FBXL7: variants seen among roughly 807,000 people sequenced by gnomAD.
The protein encoded by FBXL7 is F-box/LRR-repeat protein 7.
A neutral mutation model predicts 38.3 loss-of-function variants in FBXL7; 12 were observed. That is an observed-to-expected ratio of 0.31 (90% confidence interval 0.20 to 0.51). FBXL7 has a LOEUF of 0.51. Ranked by LOEUF, FBXL7 falls within the 20% of genes least tolerant of loss-of-function variation. The pLI is 0.98. For missense variants in FBXL7, 567 were observed against 676.4 expected (o/e 0.84, Z 1.79); for synonymous variants, 297 against 300.9 (o/e 0.99, Z 0.13).
At chr5:15,567,881 A>T (rs906028892) in intron 1 of FBXL7, among the ~76,000 whole-genome samples, 19 of 152,034 alleles carry the variant, frequency 1.2e-4, no homozygotes, top group African/African-American at 4.6e-4. Context: ...TTTGCTGGGA[A>T]TGATGGTTTC....
At chr5:15,501,300 C>A in intron 1 of FBXL7, 1 of 462,050 alleles carries the variant, frequency 2.2e-6, no homozygotes. Context: ...TTACGTGGGG[C>A]TGGAAATTGC....
At chr5:15,906,256 AT>A (rs998671601) in intron 2 of FBXL7, among the ~76,000 whole-genome samples, 7 of 151,930 alleles carry the variant, frequency 4.6e-5, no homozygotes, top group Non-Finnish European at 1.5e-5. Context: ...ATTTAAATTT[AT>A]TTTTTCAAAC....
chr5:15,721,527 C>T (rs996612852), intron 2 of FBXL7, among the ~76,000 whole-genome samples: 4 of 151,766 alleles, frequency 2.6e-5, no homozygotes, highest in Non-Finnish European at 5.9e-5. Flanking sequence ...TTTCTTTCTC[C>T]CTCCCTCCCT....
chr5:15,753,104 AG>A (rs1736197160), intron 2 of FBXL7, among the ~76,000 whole-genome samples: 3 of 152,054 alleles, frequency 2.0e-5, no homozygotes, highest in Admixed American at 6.5e-5. Context: ...TCTTGCAGGG[AG>A]GGCTGGAACC....
At chr5:15,676,000 A>G (rs1742642541) in intron 2 of FBXL7, among the ~76,000 whole-genome samples, 1 of 152,228 alleles carries the variant, frequency 6.6e-6, no homozygotes, top group African/African-American at 2.4e-5. Context: ...TAACTGCTGT[A>G]TGTGCTCTCC....
Position 15,937,229 on chromosome 5 carries a change from C to A in FBXL7, c.*43C>A, listed in dbSNP as rs749202047. 2.9e-5 allele frequency: 43 copies of A among 1,494,246 alleles called. 1 individual carries two copies. Among genetic ancestry groups the A allele is most frequent in the Non-Finnish European group, 3.4e-5 (38 of 1,124,488 alleles). 92.6% of individuals were successfully genotyped at this position (1,494,246 alleles called of 1,614,324 possible). ...GGCGTTGTATTCACACAAACCTGAA[C>A]AAAGCAAATTTTTTTAAAAGCAGCG... On this transcript the variant is annotated 3_prime_UTR_variant, in exon 4 of 4. Transcript: ENST00000504595.
At chr5:15,688,246 T>C (rs1743078007) in intron 2 of FBXL7, among the ~76,000 whole-genome samples, 1 of 152,096 alleles carries the variant, frequency 6.6e-6, no homozygotes, top group South Asian at 2.1e-4. Context: ...AAAACAGGAG[T>C]GTTGGGTTCC....
rs112782230 is a variant in FBXL7 at position 15,887,683 on chromosome 5, G to A, written c.128-40207G>A. ...CGTAGAGTATTGGAATATTAACTCC[G>A]CTACTCATGGGGGTTGTCACTCCAC... On this transcript the variant is annotated intron_variant, in intron 2 of 3. Coordinates refer to ENST00000504595, the MANE Select transcript of FBXL7 (RefSeq NM_012304.5). 7.6e-3 allele frequency among the ~76,000 whole-genome samples: 1,150 copies of A among 152,234 alleles called. 10 individuals carry two copies. Among genetic ancestry groups the A allele is most frequent in the Non-Finnish European group, 9.7e-3 (658 of 68,024 alleles).
chr5:15,915,093 A>G (rs1161354102), intron 2 of FBXL7, among the ~76,000 whole-genome samples: 2 of 152,214 alleles, frequency 1.3e-5, no homozygotes, highest in East Asian at 3.9e-4. Flanking sequence ...CTGGGAGAAC[A>G]TGAGCATGTG....
rs1742280919 is a variant in FBXL7, at chr5:15,939,245, A to G, written c.*2059A>G. ...GGATCTAGTGAAAGCCACAGAGTTT[A>G]AAACCATGAAAGAAGTTGAAGGCAG... is the stretch of plus-strand genomic sequence containing the variant. On this transcript the variant is annotated 3_prime_UTR_variant, in exon 4 of 4. Transcript: ENST00000504595. The G allele has an allele frequency of 2.5e-6, 1 of 392,476 alleles. No individual in the cohort carries two copies. The highest frequency in any genetic ancestry group is 4.5e-6 in the Non-Finnish European group (1 of 222,564). The allele number at this position is 392,476 out of a possible 1,614,324, so 24.3% of individuals were successfully genotyped here. A position where few individuals can be genotyped will look rare whatever the true frequency, so the allele number is the denominator to read the frequency against.
chr5:15,845,333 T>A (rs1404188174), intron 2 of FBXL7, among the ~76,000 whole-genome samples: 1 of 152,220 alleles, frequency 6.6e-6, no homozygotes, highest in Non-Finnish European at 1.5e-5. Context: ...ATTCAATAAG[T>A]TCCCATTGAT....
intron 2 of FBXL7, among the ~76,000 whole-genome samples, chr5:15,748,515 C>A (rs1388499091): frequency 6.6e-6 from 1 of 152,114 alleles, no homozygotes; most frequent in South Asian, 2.1e-4. Context: ...ATGGGAGTTC[C>A]CCTACATAAG....
At chr5:15,605,286 C>G (rs116062235) in intron 1 of FBXL7, among the ~76,000 whole-genome samples, 3,231 of 152,214 alleles carry the variant, frequency 0.021, 41 homozygotes, top group Non-Finnish European at 0.032. Context: ...TCCAGCACTC[C>G]GTCATTGCAG....
intron 2 of FBXL7, among the ~76,000 whole-genome samples, chr5:15,712,902 A>C (rs561137901): frequency 9.2e-5 from 14 of 152,250 alleles, no homozygotes; most frequent in Non-Finnish European, 2.1e-4. Flanking sequence ...ACTCAGACCA[A>C]AAAGCTACAG....
chr5:15,618,840 C>A (rs1254857596), intron 2 of FBXL7, among the ~76,000 whole-genome samples: 1 of 152,116 alleles, frequency 6.6e-6, no homozygotes, highest in Non-Finnish European at 1.5e-5. Flanking sequence ...CTTGCCTCCT[C>A]AGAAGAAATA....
intron 2 of FBXL7, among the ~76,000 whole-genome samples, chr5:15,627,084 A>G (rs1419577979): frequency 6.6e-6 from 1 of 152,184 alleles, no homozygotes. Flanking sequence ...CCCTGCTATG[A>G]CTGAATCCCC....
At chr5:15,751,085 C>T (rs772496327) in intron 2 of FBXL7, among the ~76,000 whole-genome samples, 1 of 152,036 alleles carries the variant, frequency 6.6e-6, no homozygotes, top group East Asian at 1.9e-4. Flanking sequence ...TTTCTGTTTC[C>T]GTGTTGTGGT....
intron 2 of FBXL7, among the ~76,000 whole-genome samples, chr5:15,874,609 C>T (rs1196032101): frequency 2.0e-5 from 3 of 152,154 alleles, no homozygotes; most frequent in Non-Finnish European, 4.4e-5. Flanking sequence ...CACAACCATT[C>T]CTATACACCA....
chr5:15,885,008 C>T (rs1740618876), intron 2 of FBXL7, among the ~76,000 whole-genome samples: 1 of 152,162 alleles, frequency 6.6e-6, no homozygotes, highest in African/African-American at 2.4e-5. Context: ...AACAACAGCA[C>T]TATTATCTCA....
Sources: gnomAD v4.1 joint callset for allele counts (sites outside exome capture counted in the v4.1 genomes callset) on GRCh38, gnomAD v4.1.1 for gene constraint, MANE v1.5 for transcripts, NCBI Gene and HGNC (gene_info 2026-07-23, HGNC 2026-07-21) for gene names.